The following MMS22L variants were observed in gnomAD, a reference collection of about 807,000 sequenced individuals.
The protein encoded by MMS22L is protein MMS22-like.
Under a neutral mutation model 159.1 loss-of-function variants are expected in MMS22L, and 74 were observed. The observed-to-expected ratio is 0.47, with a 90% confidence interval of 0.39 to 0.56. The LOEUF (loss-of-function observed/expected upper bound fraction) is 0.56, where lower values mean the gene tolerates loss of function less well. Among genes scored for constraint, MMS22L ranks in the 20% least tolerant of loss-of-function variants. The pLI is 0.00. For missense variants in MMS22L, 1,351 were observed against 1,422.1 expected, an observed-to-expected ratio of 0.95 and a Z score of 0.80; for synonymous variants, 517 against 506.9, an observed-to-expected ratio of 1.02 and a Z score of -0.27.
chr6:97,180,581 A>G (rs2128272029), intron 16 of MMS22L, among the ~76,000 whole-genome samples: 1 of 152,332 alleles, frequency 6.6e-6, no homozygotes, highest in South Asian at 2.1e-4. Context: ...AATGAAGAAG[A>G]ACACAGACTG....
chr6:97,272,954 A>G (rs200926455), intron 5 of MMS22L, 21 bp downstream of exon 5: 1,651 of 1,608,704 alleles, frequency 1.0e-3, no homozygotes, highest in Non-Finnish European at 1.3e-3. Context: ...CAGTGATCAA[A>G]ATACTCATCT....
chr6:97,187,354 T>C (rs1805359149), intron 14 of MMS22L, among the ~76,000 whole-genome samples: 1 of 152,188 alleles, frequency 6.6e-6, no homozygotes, highest in Non-Finnish European at 1.5e-5. Context: ...AATTTAGATA[T>C]CTCTAGACCT....
chr6:97,224,197 G>C (rs1474874828), intron 14 of MMS22L, among the ~76,000 whole-genome samples: 1 of 152,140 alleles, frequency 6.6e-6, no homozygotes, highest in African/African-American at 2.4e-5. Flanking sequence ...TCCAGGTGCA[G>C]TTACAAGAAA....
At chr6:97,211,355 A>G (rs1318813134) in intron 14 of MMS22L, among the ~76,000 whole-genome samples, 1 of 152,128 alleles carries the variant, frequency 6.6e-6, no homozygotes, top group Non-Finnish European at 1.5e-5. Context: ...GTGGCAAATT[A>G]ATATTAAAAG....
At chr6:97,206,619 A>G (rs1392443115) in intron 14 of MMS22L, among the ~76,000 whole-genome samples, 1 of 152,172 alleles carries the variant, frequency 6.6e-6, no homozygotes, top group Non-Finnish European at 1.5e-5. Context: ...CAAACAATAT[A>G]CCTATCAAAA....
chr6:97,219,353 A>C (rs1809378818), intron 14 of MMS22L, among the ~76,000 whole-genome samples: 1 of 152,194 alleles, frequency 6.6e-6, no homozygotes, highest in Non-Finnish European at 1.5e-5. Flanking sequence ...ATTATGATTC[A>C]TGTTCTGGAC....
At chr6:97,241,787 G>A (rs931999122) in intron 11 of MMS22L, among the ~76,000 whole-genome samples, 1 of 152,000 alleles carries the variant, frequency 6.6e-6, no homozygotes, top group African/African-American at 2.4e-5. Context: ...TACCTCAGAG[G>A]TTTTGATAGG....
chr6:97,258,620 T>A lies in MMS22L; in HGVS notation c.943-3887A>T, dbSNP rs73760114. 6 of 152,302 alleles carry A rather than the reference T, an allele frequency of 3.9e-5. No homozygotes were observed. The South Asian group carries it at 1.2e-3, about 32-fold the overall frequency. 9.4% of individuals were successfully genotyped at this position (152,302 alleles called of 1,614,324 possible). On this transcript the variant is annotated intron_variant, in intron 9 of 24. Coordinates refer to ENST00000683635, the MANE Select transcript of MMS22L (RefSeq NM_001350599.2). ...TTCATGCTGGCTTTCCTTCTTTCCA[T>A]ATGTGTAACTCAATTCCCCAACACA...
rs1192595209 is a variant in MMS22L, at chr6:97,186,590, CA to C, written c.2139del (p.Ala714ProfsTer12). The C allele has an allele frequency of 2.5e-6, 4 of 1,612,338 alleles. No homozygotes were observed. Among genetic ancestry groups the C allele is most frequent in the Non-Finnish European group, 3.4e-6 (4 of 1,179,326 alleles). On this transcript the variant is annotated frameshift_variant, in exon 15 of 25. Coordinates refer to ENST00000683635, the MANE Select transcript of MMS22L (RefSeq NM_001350599.2). LOFTEE classifies it high-confidence loss of function. ...LSAKERHLAA[V>X]ASALWRHFFS... ...AAGAAATGTCTCCACAGTGCACTGG[CA>C]ACTGCAGCAAGGTGGCGCTCTTTAG...
intron 21 of MMS22L, among the ~76,000 whole-genome samples, chr6:97,164,317 A>T (rs1017172365): frequency 4.0e-5 from 6 of 151,444 alleles, no homozygotes; most frequent in Non-Finnish European, 8.8e-5. Context: ...TTGGGTCATT[A>T]AAAAACACAG....
chr6:97,281,404 G>C, intron 2 of MMS22L, 42 bp from the exon 3 acceptor site: 1 of 1,496,966 alleles, frequency 6.7e-7, no homozygotes. Context: ...AGTATACTAA[G>C]TACCATAATA....
Position 97,254,706 on chromosome 6 carries a change from G to A in MMS22L, c.970C>T (p.Leu324Phe), listed in dbSNP as rs1162729912. Reference protein sequence around the residue: ...ESFWNWLNKLLKTLLEKSSDR... With the variant: ...ESFWNWLNKLFKTLLEKSSDR... ...CTTGATTTTTCAAGCAGTGTTTTAA[G>A]TAGTTTATTCAACCAGTTCCAAAAT... Residue 324 changes from leucine to phenylalanine, a missense_variant, in exon 10 of 25, where the codon CTT (leucine) becomes TTT (phenylalanine). By Grantham distance (22) the Leu-to-Phe change is conservative (BLOSUM62 0). Transcript: ENST00000683635. 1.2e-6 allele frequency: 2 copies of A among 1,607,732 alleles called. No homozygotes were observed. The highest frequency in any genetic ancestry group is 2.7e-5 in the African/African-American group (2 of 74,654).
At chr6:97,176,847 G>A (rs941126738) in intron 18 of MMS22L, among the ~76,000 whole-genome samples, 6 of 152,030 alleles carry the variant, frequency 3.9e-5, no homozygotes, top group Admixed American at 6.6e-5. Flanking sequence ...ATTATGCTTC[G>A]TATCCCTCTG....
intron 8 of MMS22L, chr6:97,265,552 T>G (rs1815005854): frequency 6.6e-6 from 1 of 151,624 alleles, no homozygotes; most frequent in East Asian, 1.9e-4. Context: ...GGAAAAAAAA[T>G]CAACGGAATG....
At chr6:97,258,383 C>CTCGT (rs1562514740) in intron 9 of MMS22L, among the ~76,000 whole-genome samples, 1 of 152,140 alleles carries the variant, frequency 6.6e-6, no homozygotes, top group Non-Finnish European at 1.5e-5. Context: ...TGTTCAAAGA[C>CTCGT]TCGTTTCCTT....
intron 15 of MMS22L, among the ~76,000 whole-genome samples, chr6:97,184,276 C>T (rs1241078012): frequency 6.6e-6 from 1 of 152,090 alleles, no homozygotes; most frequent in Non-Finnish European, 1.5e-5. Context: ...CCTGACCCTA[C>T]AAATCTGAAC....
chr6:97,153,335 C>A (rs1279722762), intron 22 of MMS22L, among the ~76,000 whole-genome samples: 2 of 149,596 alleles, frequency 1.3e-5, no homozygotes, highest in Non-Finnish European at 3.0e-5. Flanking sequence ...TCTAAGCAAT[C>A]CCTTAACCTA....
At chr6:97,261,775 C>T (rs940895487) in intron 9 of MMS22L, 1 of 152,122 alleles carries the variant, frequency 6.6e-6, no homozygotes, top group Non-Finnish European at 1.5e-5. Context: ...AGGCATCCAT[C>T]CATTTTTCTT....
chr6:97,220,847 T>C (rs1053139322), intron 14 of MMS22L, among the ~76,000 whole-genome samples: 7 of 151,828 alleles, frequency 4.6e-5, no homozygotes, highest in African/African-American at 1.7e-4. Flanking sequence ...AAGAAAACGA[T>C]TCATTACACA....
Sources: allele counts gnomAD v4.1 joint callset (sites outside exome capture counted in the v4.1 genomes callset), GRCh38; gene constraint gnomAD v4.1.1; transcripts MANE v1.5; gene names NCBI Gene and HGNC (gene_info 2026-07-23, HGNC 2026-07-21).